WDR37: variants seen among roughly 807,000 people sequenced by gnomAD.
WDR37 encodes WD repeat-containing protein 37.
In WDR37, 19 loss-of-function variants were observed where a neutral mutation model predicts 62.9. That is an observed-to-expected ratio of 0.30 (90% CI 0.21 to 0.44). The LOEUF (loss-of-function observed/expected upper bound fraction) is 0.44, where lower values mean the gene tolerates loss of function less well. Ranked by LOEUF, WDR37 falls within the 20% of genes least tolerant of loss-of-function variation. The probability of loss-of-function intolerance (pLI) is 1.00; values close to 1 mark genes in which losing one functional copy is unlikely to be tolerated. For synonymous variants in WDR37, 250 were observed against 260.9 expected, an observed-to-expected ratio of 0.96 and a Z score of 0.40; for missense variants, 474 against 657.6, an observed-to-expected ratio of 0.72 and a Z score of 3.05.
At chr10:1,110,582 A>G (rs1835183393) in intron 11 of WDR37, among the ~76,000 whole-genome samples, 1 of 152,202 alleles carries the variant, frequency 6.6e-6, no homozygotes, top group Admixed American at 6.5e-5. Context: ...TCCGCGCCCC[A>G]GCACACCTGG....
At chr10:1,096,400 G>T in intron 9 of WDR37, 154 bp downstream of exon 9, 5 of 764,978 alleles carry the variant, frequency 6.5e-6, no homozygotes, top group Admixed American at 4.4e-5. Flanking sequence ...TGGAGATTGG[G>T]CCTCTAAGGT....
intron 9 of WDR37, among the ~76,000 whole-genome samples, chr10:1,101,725 G>T (rs1034890952): frequency 6.6e-6 from 1 of 152,186 alleles, no homozygotes; most frequent in Admixed American, 6.5e-5. Context: ...TTTGCCTCCC[G>T]TAGCTGTTCC....
intron 11 of WDR37, among the ~76,000 whole-genome samples, chr10:1,118,346 A>G (rs1369442398): frequency 1.4e-4 from 12 of 85,634 alleles, no homozygotes; most frequent in Admixed American, 2.8e-4. Flanking sequence ...AGCCAGCCCT[A>G]CTTGAAGTCC....
chr10:1,059,262 G>C (rs1833298672), intron 1 of WDR37, among the ~76,000 whole-genome samples: 1 of 152,184 alleles, frequency 6.6e-6, no homozygotes, highest in Admixed American at 6.5e-5. Flanking sequence ...TGTAGTCCCA[G>C]CTACTCAGGA....
At chr10:1,069,387 A>ATT (rs1368989652) in intron 1 of WDR37, among the ~76,000 whole-genome samples, 3 of 30,438 alleles carry the variant, frequency 9.9e-5, no homozygotes, top group African/African-American at 3.2e-4. Flanking sequence ...ATATATATAT[A>ATT]TATTTTTTTT....
At chr10:1,083,415 T>G (rs1266282583) in intron 5 of WDR37, among the ~76,000 whole-genome samples, 6 of 150,838 alleles carry the variant, frequency 4.0e-5, no homozygotes, top group Admixed American at 2.6e-4. Flanking sequence ...TGCTTTATGG[T>G]CTTAGGAAGA....
chr10:1,090,839 GT>G (rs1564503659), intron 7 of WDR37, among the ~76,000 whole-genome samples: 1 of 152,156 alleles, frequency 6.6e-6, no homozygotes, highest in East Asian at 1.9e-4. Context: ...TGGCATCCCC[GT>G]TTCTGCTCCC....
chr10:1,069,389 A>ATATATATTTTT lies in WDR37; in HGVS notation c.-40-2726_-40-2725insATATATTTTTT. On this transcript the variant is annotated intron_variant, in intron 1 of 13. Coordinates refer to ENST00000263150, the MANE Select transcript of WDR37 (RefSeq NM_014023.4). ...GGAAAGAATATATATATATATATAT[A>ATATATATTTTT]TTTTTTTTTTTTTTTTTTGCAGCAG... Among the ~76,000 whole-genome samples, 160 of 95,762 alleles carry ATATATATTTTT rather than the reference A, an allele frequency of 1.7e-3. 1 individual carries two copies. The highest frequency in any genetic ancestry group is 6.8e-3 in the African/African-American group (146 of 21,332). The allele number at this position is 95,762 out of a possible 152,430, so 62.8% of individuals were successfully genotyped here.
intron 6 of WDR37, among the ~76,000 whole-genome samples, chr10:1,085,748 AAAAG>A (rs1232283935): frequency 6.6e-6 from 1 of 152,218 alleles, no homozygotes; most frequent in Non-Finnish European, 1.5e-5. Context: ...TAGTTTTAAA[AAAAG>A]AATAAAAAGG....
At chr10:1,115,030 G>GTTTT (rs199799863) in intron 11 of WDR37, among the ~76,000 whole-genome samples, 1 of 142,540 alleles carries the variant, frequency 7.0e-6, no homozygotes, top group Non-Finnish European at 1.5e-5. Flanking sequence ...TCCCTTTTTT[G>GTTTT]TTTTTTTTTT....
intron 1 of WDR37, among the ~76,000 whole-genome samples, chr10:1,062,516 A>T (rs1833406626): frequency 1.3e-5 from 2 of 152,224 alleles, no homozygotes; most frequent in African/African-American, 4.8e-5. Flanking sequence ...TTAACTGAAG[A>T]TAGAGTCTCC....
chr10:1,078,689 T>TAC (rs1224382934), intron 3 of WDR37, among the ~76,000 whole-genome samples: 1 of 152,226 alleles, frequency 6.6e-6, no homozygotes, highest in East Asian at 1.9e-4. Flanking sequence ...TTGTAAAATT[T>TAC]ATATATATAA....
chr10:1,091,004 G>T (rs914947537), intron 7 of WDR37, among the ~76,000 whole-genome samples: 1 of 152,218 alleles, frequency 6.6e-6, no homozygotes, highest in African/African-American at 2.4e-5. Context: ...TCTCTCGAGG[G>T]CCTCGTTATA....
intron 7 of WDR37, among the ~76,000 whole-genome samples, chr10:1,088,183 T>C (rs1026370200): frequency 2.6e-5 from 4 of 152,170 alleles, no homozygotes; most frequent in Non-Finnish European, 5.9e-5. Flanking sequence ...GTTTAATCAG[T>C]CCCCACCACT....
In WDR37 at chr10:1,129,332, A is replaced by T. The variant is rs370361276; in HGVS notation, c.1473A>T (p.Leu491=). 2 of 1,614,050 alleles carry T rather than the reference A, an allele frequency of 1.2e-6. No individual in the cohort carries two copies. Among genetic ancestry groups the T allele is most frequent in the South Asian group, 2.2e-5 (2 of 91,070 alleles). Reference sequence around the variant, plus strand: ...GGAACATCAACATCCCTGCATTGCTACAAGAAAAATAAGGACACCGGCAGC... The same window carrying T: ...GGAACATCAACATCCCTGCATTGCTTCAAGAAAAATAAGGACACCGGCAGC... ...IGWNINIPAL[L]QEK Residue 491 remains leucine, a synonymous_variant, in exon 14 of 14, where the codon CTA becomes CTT. Transcript: ENST00000263150.
chr10:1,100,067 G>A (rs1481874588), intron 9 of WDR37, among the ~76,000 whole-genome samples: 2 of 152,214 alleles, frequency 1.3e-5, no homozygotes, highest in Non-Finnish European at 2.9e-5. Flanking sequence ...CACTAATTTT[G>A]TGAGAGGGAA....
At chr10:1,096,106 C>A in intron 8 of WDR37, 64 bp from the exon 9 acceptor site, 1 of 1,498,914 alleles carries the variant, frequency 6.7e-7, no homozygotes, top group Non-Finnish European at 9.3e-7. Flanking sequence ...GCCATAGTGG[C>A]GGTGAAGAGC....
rs199854657 is a variant in WDR37 at position 1,072,208 on chromosome 10, G to A, written c.53G>A (p.Arg18His). ...ACTGCTCGCCAAACAAAACAGAAGC[G>A]CAAATCCCATAGCCTTTCTATACGA... ...CSTARQTKQK[R>H]KSHSLSIRRT... Residue 18 changes from arginine to histidine, a missense_variant, in exon 2 of 14, where the codon CGC becomes CAC. Coordinates refer to ENST00000263150, the MANE Select transcript of WDR37 (RefSeq NM_014023.4). 3.7e-5 allele frequency: 60 copies of A among 1,614,044 alleles called. No homozygotes were observed. The highest frequency in any genetic ancestry group is 6.7e-5 in the Admixed American group (4 of 59,992).
rs1477011067 is a variant in WDR37, at chr10:1,129,478, A to C, written c.*134A>C. On this transcript the variant is annotated 3_prime_UTR_variant, in exon 14 of 14. Transcript: ENST00000263150. ...GGTGCTTTGTATATGTTCTTTTCAC[A>C]TAGTGCCCAGCTTGCATGAAATGTA... is the stretch of plus-strand genomic sequence containing the variant. The C allele has an allele frequency of 7.7e-7, 1 of 1,300,314 alleles. No homozygotes were observed. Among genetic ancestry groups the C allele is most frequent in the Non-Finnish European group, 1.0e-6 (1 of 952,710 alleles). 80.5% of individuals were successfully genotyped at this position (1,300,314 alleles called of 1,614,324 possible).
Sources: gnomAD v4.1 joint callset for allele counts (sites outside exome capture counted in the v4.1 genomes callset) on GRCh38, gnomAD v4.1.1 for gene constraint, MANE v1.5 for transcripts, NCBI Gene and HGNC (gene_info 2026-07-23, HGNC 2026-07-21) for gene names.